CLHC1: variants seen among roughly 807,000 people sequenced by gnomAD.
CLHC1 encodes clathrin heavy chain linker domain-containing protein 1.
In CLHC1, 72 loss-of-function variants were observed where a neutral mutation model predicts 69.5. The observed-to-expected ratio is 1.04, with a 90% confidence interval of 0.86 to 1.26. The LOEUF is 1.26. Among genes scored for constraint, CLHC1 ranks in the 50% most tolerant of loss-of-function variants. The probability of loss-of-function intolerance (pLI) is 0.00; values close to 1 mark genes in which losing one functional copy is unlikely to be tolerated. For missense variants in CLHC1, 790 were observed against 679.3 expected (o/e 1.16, Z -1.81); for synonymous variants, 223 against 224.3 (o/e 0.99, Z 0.05).
At chr2:55,198,019 G>C (rs1671585690) in intron 9 of CLHC1, among the ~76,000 whole-genome samples, 1 of 151,888 alleles carries the variant, frequency 6.6e-6, no homozygotes, top group Admixed American at 6.5e-5. Context: ...TAATTAGAAA[G>C]AGACAGGCAT....
chr2:55,186,147 G>C (rs1362186938), intron 9 of CLHC1, among the ~76,000 whole-genome samples: 1 of 152,078 alleles, frequency 6.6e-6, no homozygotes, highest in Non-Finnish European at 1.5e-5. Context: ...AATGAAGTCT[G>C]AATTTCAGTT....
intron 9 of CLHC1, among the ~76,000 whole-genome samples, chr2:55,203,549 A>G (rs1672159087): frequency 6.6e-6 from 1 of 152,240 alleles, no homozygotes; most frequent in African/African-American, 2.4e-5. Flanking sequence ...TGACAAGAAC[A>G]TATACTGGGG....
chr2:55,208,267 C>T (rs1282576406), intron 8 of CLHC1, among the ~76,000 whole-genome samples: 1 of 152,068 alleles, frequency 6.6e-6, no homozygotes, highest in African/African-American at 2.4e-5. Flanking sequence ...GGGATGGGAT[C>T]CAAGTCTAAA....
chr2:55,189,486 G>A (rs1306547555), intron 9 of CLHC1, among the ~76,000 whole-genome samples: 3 of 152,168 alleles, frequency 2.0e-5, no homozygotes, highest in African/African-American at 7.2e-5. Context: ...TTGAAAGATG[G>A]GAGAAAAAGA....
In CLHC1 at chr2:55,222,426, A is replaced by C; in HGVS notation, c.-15T>G. Reference sequence around the variant, plus strand: ...TGAACTGACATATTTGACAATCTGCACACTTGTTCACTGAAGAACAGCTAA... The same window carrying C: ...TGAACTGACATATTTGACAATCTGCCCACTTGTTCACTGAAGAACAGCTAA... On this transcript the variant is annotated 5_prime_UTR_variant, in exon 3 of 13. Coordinates refer to ENST00000401408, the MANE Select transcript of CLHC1 (RefSeq NM_152385.4). The C allele has an allele frequency of 6.2e-7, 1 of 1,606,960 alleles. No homozygotes were observed.
intron 9 of CLHC1, among the ~76,000 whole-genome samples, chr2:55,197,108 T>A (rs181066525): frequency 3.3e-4 from 51 of 152,272 alleles, no homozygotes; most frequent in Admixed American, 2.7e-3. Context: ...GAGAGACTCC[T>A]CTGCCTGCGG....
intron 9 of CLHC1, among the ~76,000 whole-genome samples, chr2:55,184,759 G>C (rs995971866): frequency 6.6e-6 from 1 of 151,914 alleles, no homozygotes; most frequent in African/African-American, 2.4e-5. Flanking sequence ...ACAAAAATTA[G>C]CCAGGTGTGG....
chr2:55,227,846 CTCTT>C (rs1558526525), intron 2 of CLHC1, among the ~76,000 whole-genome samples, 182 bp downstream of exon 2: 1 of 93,324 alleles, frequency 1.1e-5, no homozygotes, highest in African/African-American at 6.8e-5. Flanking sequence ...AAACTAATGA[CTCTT>C]TTTCTTTGAC....
chr2:55,203,713 A>G (rs369106418), intron 9 of CLHC1, among the ~76,000 whole-genome samples: 3 of 152,216 alleles, frequency 2.0e-5, no homozygotes, highest in African/African-American at 7.2e-5. Context: ...ACCATACAAG[A>G]AAACATTGGG....
At chr2:55,218,500 T>A (rs1216951932) in intron 3 of CLHC1, 1 of 152,190 alleles carries the variant, frequency 6.6e-6, no homozygotes, top group Non-Finnish European at 1.5e-5. Flanking sequence ...CATGTGCAAC[T>A]GTAAAAAACC....
chr2:55,185,897 C>T lies in CLHC1; in HGVS notation c.1007-4153G>A, dbSNP rs533884583. Among the ~76,000 whole-genome samples the T allele has an allele frequency of 2.6e-5, 4 of 152,198 alleles. No homozygotes were observed. In the South Asian group the frequency reaches 8.3e-4, roughly 32 times the overall value. On this transcript the variant is annotated intron_variant, in intron 9 of 12. Transcript: ENST00000401408. Reference sequence around the variant, plus strand: ...TGCTTCTACCAATGATATCTTTGAGCTTTAATATGTCTTAAAAACTAGGTT... The same window carrying T: ...TGCTTCTACCAATGATATCTTTGAGTTTTAATATGTCTTAAAAACTAGGTT...
At chr2:55,185,542 T>C (rs1670340939) in intron 9 of CLHC1, among the ~76,000 whole-genome samples, 1 of 152,222 alleles carries the variant, frequency 6.6e-6, no homozygotes, top group African/African-American at 2.4e-5. Context: ...ACATGTAAGC[T>C]CCGTGATGCA....
At position 55,217,014 on chromosome 2, in the gene CLHC1, CA is replaced by C. The variant is rs537241170; in HGVS notation, c.365+796del. Among the ~76,000 whole-genome samples the C allele has an allele frequency of 3.1e-3, 465 of 151,472 alleles. 3 individuals are homozygous for C. The highest frequency in any genetic ancestry group is 0.011 in the African/African-American group (461 of 41,322). On this transcript the variant is annotated intron_variant, in intron 4 of 12. Transcript: ENST00000401408. ...AAATACAAAAATTAGTCTGACATAG[CA>C]AAACTCCATCTCTACAAAAAAATAC...
chr2:55,218,253 T>C (rs1387417738), intron 3 of CLHC1: 1 of 267,708 alleles, frequency 3.7e-6, no homozygotes, highest in Non-Finnish European at 6.9e-6. Flanking sequence ...TTTGTTCTAC[T>C]TGGTATGAAC....
At chr2:55,225,007 G>C (rs1674556407) in intron 2 of CLHC1, 1 of 158,138 alleles carries the variant, frequency 6.3e-6, no homozygotes, top group South Asian at 1.9e-4. Context: ...GCTTGTAGCA[G>C]CCACAGGCCC....
chr2:55,223,047 A>G (rs528454766), intron 2 of CLHC1, among the ~76,000 whole-genome samples: 10 of 152,076 alleles, frequency 6.6e-5, no homozygotes, highest in Non-Finnish European at 1.5e-4. Flanking sequence ...CTCCTCTCAC[A>G]TGTATCATAT....
chr2:55,211,914 C>G (rs1673048528), intron 5 of CLHC1, among the ~76,000 whole-genome samples: 1 of 152,188 alleles, frequency 6.6e-6, no homozygotes, highest in African/African-American at 2.4e-5. Flanking sequence ...ACAATATCCA[C>G]CAAAACTTAA....
intron 4 of CLHC1, among the ~76,000 whole-genome samples, chr2:55,217,145 A>AG: frequency 6.6e-6 from 1 of 152,010 alleles, no homozygotes; most frequent in Non-Finnish European, 1.5e-5. Context: ...CAGTGGGCCA[A>AG]GATCAAGCTA....
At chr2:55,179,440 T>G (rs1573584417) in intron 11 of CLHC1, among the ~76,000 whole-genome samples, 1 of 152,138 alleles carries the variant, frequency 6.6e-6, no homozygotes, top group South Asian at 2.1e-4. Flanking sequence ...CTGTTATTAA[T>G]GAAGAAATTT....
Sources: gnomAD v4.1 joint callset for allele counts (sites outside exome capture counted in the v4.1 genomes callset) on GRCh38, gnomAD v4.1.1 for gene constraint, MANE v1.5 for transcripts, NCBI Gene and HGNC (gene_info 2026-07-23, HGNC 2026-07-21) for gene names.